Variants in PKD1 observed in about 807,000 individuals in gnomAD.
The protein encoded by PKD1 is polycystin-1.
In PKD1, 81 loss-of-function variants were observed where a neutral mutation model predicts 361.7. The ratio of observed to expected loss-of-function variants is 0.22; its 90% CI spans 0.19 to 0.27. PKD1 has a LOEUF of 0.27. Ranked by LOEUF, PKD1 falls within the 10% of genes least tolerant of loss-of-function variation. The pLI, the probability that PKD1 is intolerant of heterozygous loss-of-function variation, is 1.00. For synonymous variants in PKD1, 3,615 were observed against 2,818.3 expected, an observed-to-expected ratio of 1.28 and a Z score of -8.95; for missense variants, 6,399 against 6,118.3, an observed-to-expected ratio of 1.05 and a Z score of -1.53.
intron 1 of PKD1, among the ~76,000 whole-genome samples, chr16:2,125,701 G>A (rs921899528): frequency 4.7e-4 from 72 of 151,968 alleles, no homozygotes; most frequent in African/African-American, 1.5e-3. Flanking sequence ...CGCTTCATAC[G>A]TATGCTACCT....
chr16:2,096,799 G>A, intron 34 of PKD1: 1 of 334,456 alleles, frequency 3.0e-6, no homozygotes, highest in Non-Finnish European at 5.7e-6. Flanking sequence ...TTACACGTGT[G>A]AGCCACCGCG....
rs1221108223 is a variant in PKD1 at position 2,110,168 on chromosome 16, T to C, written c.4999A>G (p.Thr1667Ala). 2.6e-5 allele frequency: 42 copies of C among 1,610,602 alleles called. No homozygotes were observed. Among genetic ancestry groups the C allele is most frequent in the African/African-American group, 4.0e-5 (3 of 74,866 alleles). ...RDGTNVSYSWTAWRDRGPALA... is the reference protein window; with the variant it reads ...RDGTNVSYSWAAWRDRGPALA... ...GCCGGGCCCCTGTCCCTCCAGGCAG[T>C]CCAGCTGTAGGAGACGTTGGTGCCA... Residue 1667 changes from threonine to alanine, a missense_variant, in exon 15 of 46, where the codon ACT (threonine) becomes GCT (alanine). Coordinates refer to ENST00000262304, the MANE Select transcript of PKD1 (RefSeq NM_001009944.3).
chr16:2,109,624 C>G lies in PKD1; in HGVS notation c.5543G>C (p.Arg1848Pro). The G allele has an allele frequency of 6.2e-7, 1 of 1,607,354 alleles. No homozygotes were observed. Among genetic ancestry groups the G allele is most frequent in the Non-Finnish European group, 8.5e-7 (1 of 1,177,706 alleles). The change falls in exon 15 of 46, where the codon CGT (arginine) becomes CCT (proline). Residue 1848 changes from arginine to proline, a missense_variant. Coordinates refer to ENST00000262304, the MANE Select transcript of PKD1 (RefSeq NM_001009944.3). Reference protein sequence around the residue: ...CWAVPGGSSKRGPHVTMVFPD... With the variant: ...CWAVPGGSSKPGPHVTMVFPD... ...GAAGACCATGGTGACATGAGGGCCA[C>G]GCTTGCTGCTGCCGCCGGGCACAGC... is the stretch of plus-strand genomic sequence containing the variant.
rs534861095 is a variant in PKD1 at position 2,116,258 on chromosome 16, C to A, written c.1723-140G>T. ...CCCCACAGGCCTGGCTCCTGTCGCT[C>A]GAGAGGAAGACTCCGGTGGAAACTG... On this transcript the variant is annotated intron_variant, in intron 8 of 45. Transcript: ENST00000262304. 1.7e-4 allele frequency: 152 copies of A among 908,124 alleles called. 2 individuals carry two copies. In the South Asian group the frequency reaches 2.1e-3, roughly 13 times the overall value. The allele number at this position is 908,124 out of a possible 1,614,324, so 56.3% of individuals were successfully genotyped here.
chr16:2,096,266 G>A (rs2091841858), intron 34 of PKD1, among the ~76,000 whole-genome samples: 1 of 152,244 alleles, frequency 6.6e-6, no homozygotes, highest in Non-Finnish European at 1.5e-5. Flanking sequence ...TGGCTCCGGG[G>A]CACCGCACCT....
rs7203729 is a variant in PKD1, at chr16:2,090,009, A to C, written c.12630T>G (p.Pro4210=). 5.1e-5 allele frequency: 82 copies of C among 1,609,018 alleles called. No individual in the cohort carries two copies. Among genetic ancestry groups the C allele is most frequent in the Non-Finnish European group, 6.8e-5 (80 of 1,178,486 alleles). Reference sequence around the variant, plus strand: ...ACACGGCTTGGAGGCGGGAGGGCTCAGGCTCACACCTTGTCCCCAGCCGGC... The same window carrying C: ...ACACGGCTTGGAGGCGGGAGGGCTCCGGCTCACACCTTGTCCCCAGCCGGC... ...SLGRLGTRCE[P]EPSRLQAVFE... The change falls in exon 46 of 46, where the codon CCT becomes CCG. Residue 4210 remains proline, a synonymous_variant. Coordinates refer to ENST00000262304, the MANE Select transcript of PKD1 (RefSeq NM_001009944.3).
Position 2,111,046 on chromosome 16 carries a change from A to G in PKD1, c.4121T>C (p.Ile1374Thr). 6.2e-7 allele frequency: 1 copy of G among 1,610,678 alleles called. No homozygotes were observed. The highest frequency in any genetic ancestry group is 8.5e-7 in the Non-Finnish European group (1 of 1,179,804). The change falls in exon 15 of 46, where the codon ATC becomes ACC. Residue 1374 changes from isoleucine (I) to threonine (T), a missense_variant. By Grantham distance (89) the Ile-to-Thr change is moderately conservative. Transcript: ENST00000262304. Reference sequence around the variant, plus strand: ...GTTGCCCACCTCTGGCTCCACGCAGATGCTGGTGAAGTAATGCGCCCTGTT... The same window carrying G: ...GTTGCCCACCTCTGGCTCCACGCAGGTGCTGGTGAAGTAATGCGCCCTGTT... ...RVNRAHYFTS[I>T]CVEPEVGNVT...
At chr16:2,104,957 A>G (rs188419207) in intron 21 of PKD1, among the ~76,000 whole-genome samples, 906 of 7,084 alleles carry the variant, frequency 0.13, 59 homozygotes, top group African/African-American at 0.23. Context: ...GGGGGGGAAG[A>G]AGGGAAAGGG....
chr16:2,112,747 G>C (rs1289257969), intron 13 of PKD1, 41 bp downstream of exon 13: 1 of 1,581,866 alleles, frequency 6.3e-7, no homozygotes, highest in Non-Finnish European at 8.6e-7. Flanking sequence ...GCTGGGACAA[G>C]AGCCTGGTGC....
At position 2,093,061 on chromosome 16, in the gene PKD1, C is replaced by T. The variant is rs1295518121; in HGVS notation, c.11049G>A (p.Val3683=). 4 of 1,612,850 alleles carry T rather than the reference C, an allele frequency of 2.5e-6. No individual in the cohort carries two copies. Among genetic ancestry groups the T allele is most frequent in the Non-Finnish European group, 3.4e-6 (4 of 1,179,956 alleles). ...CATCCCCATAGCTGGCCAGCAGGGTCACCAGCAGAAAAAGCATGTACACCA... is the reference window on the plus strand; with the variant it reads ...CATCCCCATAGCTGGCCAGCAGGGTTACCAGCAGAAAAAGCATGTACACCA... ...SLLVYMLFLL[V]TLLASYGDAS... Residue 3683 remains valine (V), a synonymous_variant, in exon 38 of 46, where the codon GTG becomes GTA. Transcript: ENST00000262304.
In PKD1 at chr16:2,091,829, C is replaced by G. The variant is rs1292618968; in HGVS notation, c.11489G>C (p.Ser3830Thr). 1.9e-6 allele frequency: 3 copies of G among 1,610,242 alleles called. No individual in the cohort carries two copies. Among genetic ancestry groups the G allele is most frequent in the Non-Finnish European group, 2.5e-6 (3 of 1,179,156 alleles). Residue 3830 changes from serine (S) to threonine (T), a missense_variant, in exon 41 of 46, where the codon AGC becomes ACC. Transcript: ENST00000262304. Reference protein sequence around the residue: ...VQELGLSLEESRDRLRFLQLH... With the variant: ...VQELGLSLEETRDRLRFLQLH... ...CTGCAGGAAGCGCAGCCGGTCGCGG[C>G]TCTCCTCCAGGCTCAGGCCCAGCTC...
In PKD1 at chr16:2,090,890, CA is replaced by C; in HGVS notation, c.11996del (p.Leu3999TrpfsTer40). ...CCACCGGCCCAGCCCTCACCTTGAC[CA>C]AAAGCAGGAAGAGCAGCGAGGCCGC... ...GLAASLLFLL[L>X]VKAAQQLRFV... On this transcript the variant is annotated frameshift_variant, in exon 43 of 46. Coordinates refer to ENST00000262304, the MANE Select transcript of PKD1 (RefSeq NM_001009944.3). LOFTEE classifies it high-confidence loss of function. The C allele has an allele frequency of 6.2e-7, 1 of 1,603,004 alleles. No homozygotes were observed.
At position 2,090,151 on chromosome 16, in the gene PKD1, G is replaced by A; in HGVS notation, c.12488C>T (p.Ser4163Phe). Residue 4163 changes from serine to phenylalanine, a missense_variant, in exon 46 of 46, where the codon TCT (serine) becomes TTT (phenylalanine). Ser to Phe is a radical substitution (Grantham distance 155). Coordinates refer to ENST00000262304, the MANE Select transcript of PKD1 (RefSeq NM_001009944.3). ...TACCTTGGAGCCCCTGGAGGAGCGA[G>A]AGGGCAGCGGCTCCATCCCTTCAAA... ...VRFEGMEPLP[S>F]RSSRGSKVSP... 2 of 1,595,954 alleles carry A rather than the reference G, an allele frequency of 1.3e-6. No homozygotes were observed. Among genetic ancestry groups the A allele is most frequent in the Non-Finnish European group, 1.7e-6 (2 of 1,170,548 alleles).
In PKD1 at chr16:2,106,037, G is replaced by C. The variant is rs771223949; in HGVS notation, c.7704-13C>G. ...GATGGCCAAAGACCTACGAGCAGAG[G>C]GGGGTGGTGAGCAGGTGGCAGTCTC... On this transcript the variant is annotated splice_polypyrimidine_tract_variant and intron_variant, in intron 19 of 45. Transcript: ENST00000262304. This position sits in a 1 kb window ranked among gnomAD's most constrained non-coding sequence, Gnocchi z 6.5. 43 of 1,606,854 alleles carry C rather than the reference G, an allele frequency of 2.7e-5. 1 individual carries two copies. The highest frequency in any genetic ancestry group is 6.7e-5 in the Admixed American group (4 of 59,956).
rs376618983 is a variant in PKD1, at chr16:2,106,566, C to T, written c.7321G>A (p.Gly2441Ser). 226 of 1,596,244 alleles carry T rather than the reference C, an allele frequency of 1.4e-4. 1 individual carries two copies. Among genetic ancestry groups the T allele is most frequent in the Admixed American group, 1.7e-4 (10 of 59,804 alleles). Residue 2441 changes from glycine to serine, a missense_variant, in exon 18 of 46, where the codon GGC becomes AGC. By Grantham distance (56) the Gly-to-Ser change is moderately conservative. Coordinates refer to ENST00000262304, the MANE Select transcript of PKD1 (RefSeq NM_001009944.3). This position sits in a 1 kb window ranked among gnomAD's most constrained non-coding sequence, Gnocchi z 6.5. ...GTGAGCGTGAAGGTGTATCCCTCGC[C>T]GTCCCGCAGCACGCCCCGCCGCAGC... Reference protein sequence around the residue: ...LVLRRGVLRDGEGYTFTLTVL... With the variant: ...LVLRRGVLRDSEGYTFTLTVL...
chr16:2,103,480 G>A lies in PKD1; in HGVS notation c.8577C>T (p.Ala2859=). ...AGGCCAGCCGCTCGATGGGGATCTG[G>A]GCGCCGGCCTGTGTCTGGAATGCCA... ...ASMAFQTQAG[A]QIPIERLASE... is the part of the protein sequence containing the mutation. The change falls in exon 23 of 46, where the codon GCC becomes GCT. Residue 2859 remains alanine (A), a synonymous_variant. Transcript: ENST00000262304. 5.6e-6 allele frequency: 9 copies of A among 1,601,544 alleles called. No individual in the cohort carries two copies. Among genetic ancestry groups the A allele is most frequent in the Non-Finnish European group, 7.6e-6 (9 of 1,179,672 alleles).
At chr16:2,128,416 A>G (rs1254865532) in intron 1 of PKD1, among the ~76,000 whole-genome samples, 1 of 150,746 alleles carries the variant, frequency 6.6e-6, no homozygotes, top group Non-Finnish European at 1.5e-5. Context: ...GGGGAGTGCA[A>G]GCACATCGCA....
Position 2,109,885 on chromosome 16 carries a change from T to C in PKD1, c.5282A>G (p.Glu1761Gly). 1 of 1,610,624 alleles carries C rather than the reference T, an allele frequency of 6.2e-7. No homozygotes were observed. The highest frequency in any genetic ancestry group is 8.5e-7 in the Non-Finnish European group (1 of 1,179,822). The change falls in exon 15 of 46, where the codon GAG becomes GGG. Residue 1761 changes from glutamate to glycine, a missense_variant. Physicochemically the swap from Glu to Gly is moderately conservative, Grantham distance 98. Coordinates refer to ENST00000262304, the MANE Select transcript of PKD1 (RefSeq NM_001009944.3). ...TWSLEEGLSWETSEPFTTHSF... is the reference protein window; with the variant it reads ...TWSLEEGLSWGTSEPFTTHSF... ...ATGGGTGGTAAATGGCTCGGAGGTCTCCCAGCTCAGCCCCTCCTCCAAGGA... is the reference window on the plus strand; with the variant it reads ...ATGGGTGGTAAATGGCTCGGAGGTCCCCCAGCTCAGCCCCTCCTCCAAGGA...
At chr16:2,113,634 G>A in intron 11 of PKD1, 2 of 424,418 alleles carry the variant, frequency 4.7e-6, no homozygotes, top group South Asian at 4.6e-5. Flanking sequence ...AGAGAGCTCG[G>A]AGCAGTGAGG....
Sources: allele counts gnomAD v4.1 joint callset (sites outside exome capture counted in the v4.1 genomes callset), GRCh38; gene constraint gnomAD v4.1.1; non-coding constraint Gnocchi (gnomAD v3.1); transcripts MANE v1.5; gene names NCBI Gene and HGNC (gene_info 2026-07-23, HGNC 2026-07-21).